NOTCH2: variants seen among roughly 807,000 people sequenced by gnomAD.
The protein encoded by NOTCH2 is neurogenic locus notch homolog protein 2.
NOTCH2 carries 29 observed loss-of-function variants against 235.8 expected under a neutral mutation model. The observed-to-expected ratio is 0.12, with a 90% CI of 0.09 to 0.17. The LOEUF (loss-of-function observed/expected upper bound fraction) is 0.17, where lower values mean the gene tolerates loss of function less well. Ranked by LOEUF, NOTCH2 falls within the 10% of genes least tolerant of loss-of-function variation. The pLI is 1.00. For missense variants in NOTCH2, 2,285 were observed against 3,150.2 expected, an observed-to-expected ratio of 0.73 and a Z score of 6.57; for synonymous variants, 1,086 against 1,141.5, an observed-to-expected ratio of 0.95 and a Z score of 0.98.
At chr1:119,985,383 C>G (rs1651976443) in intron 5 of NOTCH2, among the ~76,000 whole-genome samples, 2 of 152,188 alleles carry the variant, frequency 1.3e-5, no homozygotes, top group Admixed American at 1.3e-4. Flanking sequence ...ATAAAGACTT[C>G]TAGCGAAAAG....
Position 119,940,714 on chromosome 1 carries a change from G to C in NOTCH2, c.3024C>G (p.Ser1008=). The C allele has an allele frequency of 6.2e-7, 1 of 1,614,204 alleles. No individual in the cohort carries two copies. Among genetic ancestry groups the C allele is most frequent in the African/African-American group, 1.3e-5 (1 of 75,054 alleles). ...AACCCACAGGGCACAAGCAAGAGAA[G>C]GAGTTAATCCCATCAACACATGTGC... ...NGGTCVDGIN[S]FSCLCPVGFT... Residue 1008 remains serine (S), a synonymous_variant, in exon 19 of 34, where the codon TCC becomes TCG. Coordinates refer to ENST00000256646, the MANE Select transcript of NOTCH2 (RefSeq NM_024408.4).
intron 14 of NOTCH2, among the ~76,000 whole-genome samples, chr1:119,952,408 T>C (rs1650514120): frequency 6.6e-6 from 1 of 152,216 alleles, no homozygotes. Context: ...GAAGTAGTTT[T>C]ACAACTTACT....
At chr1:120,012,806 C>T (rs1653252858) in intron 2 of NOTCH2, among the ~76,000 whole-genome samples, 1 of 151,774 alleles carries the variant, frequency 6.6e-6, no homozygotes, top group South Asian at 2.1e-4. Context: ...CCAAGACTAG[C>T]ACCTATTCAA....
At chr1:119,963,896 C>T (rs778831438) in intron 10 of NOTCH2, 89 bp from the exon 11 acceptor site, 5 of 1,116,050 alleles carry the variant, frequency 4.5e-6, no homozygotes, top group African/African-American at 1.5e-5. Flanking sequence ...ATTTACTCTA[C>T]ACATTCGATG....
intron 2 of NOTCH2, among the ~76,000 whole-genome samples, chr1:120,025,352 C>A (rs1451521840): frequency 1.3e-5 from 2 of 151,976 alleles, no homozygotes; most frequent in African/African-American, 2.4e-5. Context: ...TTAATGAACA[C>A]CTCAGGGCTT....
chr1:119,953,828 A>G, intron 13 of NOTCH2, 140 bp from the exon 14 acceptor site: 1 of 789,114 alleles, frequency 1.3e-6, no homozygotes, highest in Non-Finnish European at 2.2e-6. Context: ...ATCACCTTGC[A>G]CATGGTGTGT....
At chr1:119,955,019 T>C in intron 13 of NOTCH2, 21 bp downstream of exon 13, 5 of 1,612,384 alleles carry the variant, frequency 3.1e-6, no homozygotes, top group Non-Finnish European at 4.2e-6. Context: ...TAAGAAACTA[T>C]CACATGGGGC....
At chr1:119,950,560 TTCCTCAAAGCTCAAGA>T in intron 15 of NOTCH2, 148 bp downstream of exon 15, 1 of 708,500 alleles carries the variant, frequency 1.4e-6, no homozygotes. Context: ...GCCACAATGT[TTCCTCAAAGCTCAAGA>T]TCCAGTCAGT....
At chr1:120,000,424 C>T (rs2101224819) in intron 3 of NOTCH2, among the ~76,000 whole-genome samples, 1 of 149,644 alleles carries the variant, frequency 6.7e-6, no homozygotes, top group African/African-American at 2.5e-5. Context: ...GTCCCAGCTA[C>T]TCAGGAGGCT....
chr1:120,046,032 G>A (rs1198408090), intron 1 of NOTCH2, among the ~76,000 whole-genome samples: 70 of 151,882 alleles, frequency 4.6e-4, no homozygotes, highest in African/African-American at 1.6e-3. Context: ...GTATAAATAT[G>A]TATTTACTTG....
rs1553200124 is a variant in NOTCH2 at position 119,969,513 on chromosome 1, G to A, written c.1106C>T (p.Ala369Val). The change falls in exon 6 of 34, where the codon GCA becomes GTA. Residue 369 changes from alanine (A) to valine (V), a missense_variant and splice_region_variant. Physicochemically the swap from Ala to Val is moderately conservative, Grantham distance 64. Transcript: ENST00000256646. ...AGATCCGTCCTTCTGCTACCTACCT[G>A]CCTTCCCCTCTGGGCACATGCAAGA... ...SFSCMCPEGK[A>V]GLLCHLDDAC... 6.2e-7 allele frequency: 1 copy of A among 1,613,350 alleles called. No homozygotes were observed. Among genetic ancestry groups the A allele is most frequent in the Non-Finnish European group, 8.5e-7 (1 of 1,179,656 alleles).
chr1:119,972,653 C>G (rs1651412608), intron 5 of NOTCH2, among the ~76,000 whole-genome samples: 1 of 152,154 alleles, frequency 6.6e-6, no homozygotes, highest in African/African-American at 2.4e-5. Context: ...AAACCAGTAG[C>G]CATTGACTGC....
At position 119,941,720 on chromosome 1, in the gene NOTCH2, T is replaced by C. The variant is rs782310769; in HGVS notation, c.2787A>G (p.Gly929=). ...PCQNGGSCMD[G]VNTFSCLCLP... is the part of the protein sequence containing the mutation. ...GGCAGAGGCAGGAGAAAGTATTCACTCCATCCATACAGGAACCTCCATTCT... is the reference window on the plus strand; with the variant it reads ...GGCAGAGGCAGGAGAAAGTATTCACCCCATCCATACAGGAACCTCCATTCT... The change falls in exon 18 of 34, where the codon GGA becomes GGG. Residue 929 remains glycine, a synonymous_variant. Coordinates refer to ENST00000256646, the MANE Select transcript of NOTCH2 (RefSeq NM_024408.4). The C allele has an allele frequency of 6.2e-7, 1 of 1,614,074 alleles. No homozygotes were observed. The highest frequency in any genetic ancestry group is 1.3e-5 in the African/African-American group (1 of 75,036).
chr1:119,938,047 C>G (rs369338458), intron 19 of NOTCH2, 37 bp from the exon 20 acceptor site: 4 of 1,604,268 alleles, frequency 2.5e-6, no homozygotes, highest in African/African-American at 1.3e-5. Flanking sequence ...CATCAAAATT[C>G]AAATACTAGA....
chr1:119,940,492 G>T, intron 19 of NOTCH2, 63 bp downstream of exon 19: 1 of 1,426,060 alleles, frequency 7.0e-7, no homozygotes, highest in Non-Finnish European at 9.9e-7. Flanking sequence ...AGACTAGAAA[G>T]TGAACAGGTA....
intron 12 of NOTCH2, 44 bp from the exon 13 acceptor site, chr1:119,955,276 G>A (rs1553198278): frequency 6.3e-7 from 1 of 1,591,340 alleles, no homozygotes; most frequent in African/African-American, 1.3e-5. Context: ...TAAATGCTTA[G>A]GAAATAGACC....
rs1191182245 is a variant in NOTCH2, at chr1:119,915,301, C to T, written c.*5G>A. On this transcript the variant is annotated 3_prime_UTR_variant, in exon 34 of 34. Coordinates refer to ENST00000256646, the MANE Select transcript of NOTCH2 (RefSeq NM_024408.4). ...GTTATGTCTCTACACTGGAGGTGGA[C>T]TCTCTCACGCATAAACCTGCATGTT... 6.2e-7 allele frequency: 1 copy of T among 1,612,648 alleles called. No homozygotes were observed. Among genetic ancestry groups the T allele is most frequent in the African/African-American group, 1.3e-5 (1 of 75,006 alleles).
At chr1:119,925,942 A>G in intron 24 of NOTCH2, 132 bp from the exon 25 acceptor site, 1 of 1,088,656 alleles carries the variant, frequency 9.2e-7, no homozygotes, top group South Asian at 1.4e-5. Flanking sequence ...CAAGGTTACT[A>G]GACAGGTTTC....
chr1:119,979,082 A>G (rs1194048546), intron 5 of NOTCH2, among the ~76,000 whole-genome samples: 1 of 152,242 alleles, frequency 6.6e-6, no homozygotes, highest in Non-Finnish European at 1.5e-5. Flanking sequence ...AATAAAAAAT[A>G]ATATAGGACA....
Sources: allele counts gnomAD v4.1 joint callset (sites outside exome capture counted in the v4.1 genomes callset), GRCh38; gene constraint gnomAD v4.1.1; transcripts MANE v1.5; gene names NCBI Gene and HGNC (gene_info 2026-07-23, HGNC 2026-07-21).